DISC1: variants seen among roughly 807,000 people sequenced by gnomAD.
The protein encoded by DISC1 is DISC1 scaffold protein.
DISC1 carries 57 observed loss-of-function variants against 84.5 expected under a neutral mutation model. That is an observed-to-expected ratio of 0.67 (90% CI 0.55 to 0.84). The LOEUF is 0.84. Among genes scored for constraint, DISC1 ranks in the 40% least tolerant of loss-of-function variants. The pLI is 0.00. For missense variants in DISC1, 1,000 were observed against 1,057.8 expected (o/e 0.95, Z 0.76); for synonymous variants, 411 against 415.2 (o/e 0.99, Z 0.12).
At chr1:232,025,807 AG>A (rs1302831325) in intron 11 of DISC1, among the ~76,000 whole-genome samples, 20 of 152,100 alleles carry the variant, frequency 1.3e-4, no homozygotes, top group Non-Finnish European at 2.1e-4. Flanking sequence ...CGTGTTAGCC[AG>A]GATGGTCTTG....
intron 10 of DISC1, among the ~76,000 whole-genome samples, chr1:232,006,514 G>T (rs1217854187): frequency 4.6e-5 from 7 of 152,122 alleles, no homozygotes; most frequent in Admixed American, 6.5e-5. Context: ...TGAGAGAGGT[G>T]ATTTAGGGTA....
chr1:231,780,947 G>A (rs1479868181), intron 6 of DISC1, among the ~76,000 whole-genome samples: 1 of 118,548 alleles, frequency 8.4e-6, no homozygotes, highest in African/African-American at 3.2e-5. Flanking sequence ...ACTCATAGGT[G>A]GGAATTGAAC....
At chr1:231,957,450 C>A (rs1202189399) in intron 9 of DISC1, among the ~76,000 whole-genome samples, 2 of 152,086 alleles carry the variant, frequency 1.3e-5, no homozygotes, top group African/African-American at 4.8e-5. Flanking sequence ...TCTTTAGCAT[C>A]CCTTGCTGCC....
At chr1:231,775,883 T>A (rs2076928172) in intron 6 of DISC1, among the ~76,000 whole-genome samples, 1 of 151,802 alleles carries the variant, frequency 6.6e-6, no homozygotes, top group Non-Finnish European at 1.5e-5. Context: ...TACCCCCTGC[T>A]GACTGCATTC....
intron 1 of DISC1, among the ~76,000 whole-genome samples, chr1:231,639,342 A>C (rs201502518): frequency 6.6e-6 from 1 of 152,126 alleles, no homozygotes; most frequent in Non-Finnish European, 1.5e-5. Context: ...GATTTAGGGG[A>C]CTGATGAAGC....
intron 9 of DISC1, among the ~76,000 whole-genome samples, chr1:231,956,422 C>T (rs755335338): frequency 2.6e-5 from 4 of 152,054 alleles, no homozygotes; most frequent in Non-Finnish European, 4.4e-5. Context: ...TCTACTTTTC[C>T]TCCTCCACAT....
At chr1:231,866,658 T>C (rs2085084601) in intron 9 of DISC1, 1 of 1,539,422 alleles carries the variant, frequency 6.5e-7, no homozygotes, top group Admixed American at 2.0e-5. Context: ...TACTATTAAT[T>C]GAAAGGGCAT....
At chr1:231,711,086 A>G (rs1038640564) in intron 3 of DISC1, among the ~76,000 whole-genome samples, 1 of 152,122 alleles carries the variant, frequency 6.6e-6, no homozygotes, top group African/African-American at 2.4e-5. Flanking sequence ...AAGTGAACTT[A>G]GCTGTTTTTC....
intron 3 of DISC1, among the ~76,000 whole-genome samples, chr1:231,747,178 C>G (rs566081873): frequency 2.0e-5 from 3 of 152,080 alleles, no homozygotes; most frequent in African/African-American, 7.2e-5. Flanking sequence ...TGATCCTCCT[C>G]GTTTAGCCTC....
chr1:231,916,297 A>G (rs2126067219), intron 9 of DISC1, among the ~76,000 whole-genome samples: 1 of 152,314 alleles, frequency 6.6e-6, no homozygotes, highest in Non-Finnish European at 1.5e-5. Flanking sequence ...GACCTACAGA[A>G]GCACATTGCA....
intron 9 of DISC1, among the ~76,000 whole-genome samples, chr1:231,861,383 T>C (rs984590044): frequency 1.3e-5 from 2 of 151,632 alleles, no homozygotes; most frequent in South Asian, 2.1e-4. Context: ...TCCCCCACCT[T>C]GGCCTCCCAA....
intron 1 of DISC1, among the ~76,000 whole-genome samples, chr1:231,671,483 A>G (rs954336450): frequency 6.6e-5 from 10 of 152,104 alleles, no homozygotes; most frequent in Non-Finnish European, 1.3e-4. Flanking sequence ...AGGTTATCAT[A>G]AAAAAATTAA....
At position 232,009,064 on chromosome 1, in the gene DISC1, C is replaced by A. The variant is rs762694827; in HGVS notation, c.2307+15C>A. On this transcript the variant is annotated intron_variant, in intron 11 of 12. Transcript: ENST00000439617. This position sits in a 1 kb window ranked among gnomAD's most constrained non-coding sequence, Gnocchi z 4.6. ...AACAGAAAGAGGTCTGTCCTTTTCA[C>A]ATGGCCTCCAGAGGGGACCCTTATT... The A allele has an allele frequency of 6.2e-7, 1 of 1,613,722 alleles. No individual in the cohort carries two copies.
Position 231,826,228 on chromosome 1 carries a change from G to A in DISC1, c.1981+7711G>A, listed in dbSNP as rs2081854711. 6.6e-6 allele frequency among the ~76,000 whole-genome samples: 1 copy of A among 152,178 alleles called. No homozygotes were observed. Among genetic ancestry groups the A allele is most frequent in the Non-Finnish European group, 1.5e-5 (1 of 68,044 alleles). ...TGTCACAGAGCCTTCAGGGGGCAAG[G>A]CCACCATCTGAATCCCTCTTACCTG... On this transcript the variant is annotated intron_variant, in intron 9 of 12. Coordinates refer to ENST00000439617, the MANE Select transcript of DISC1 (RefSeq NM_018662.3). This position sits in a 1 kb window ranked among gnomAD's most constrained non-coding sequence, Gnocchi z 4.2.
intron 4 of DISC1, among the ~76,000 whole-genome samples, chr1:231,759,882 G>T (rs1386933414): frequency 1.3e-5 from 2 of 151,964 alleles, no homozygotes; most frequent in African/African-American, 2.4e-5. Flanking sequence ...GACAAGGGGG[G>T]AAACTAAGTT....
chr1:231,706,295 A>G (rs549577222), intron 3 of DISC1, among the ~76,000 whole-genome samples: 4 of 152,336 alleles, frequency 2.6e-5, no homozygotes, highest in South Asian at 2.1e-4. Flanking sequence ...TTGAGACCTC[A>G]GAGTCCTGCA....
chr1:232,031,232 AGAAAG>A lies in DISC1; in HGVS notation c.2425+4681_2425+4685del, dbSNP rs1217026985. 6.7e-6 allele frequency among the ~76,000 whole-genome samples: 1 copy of A among 148,674 alleles called. No individual in the cohort carries two copies. Among genetic ancestry groups the A allele is most frequent in the East Asian group, 2.0e-4 (1 of 5,052 alleles). ...AAGGAAGGAAGGGAGAAAGAGAGAG[AGAAAG>A]AGAGGAAGGAAGGAAGGAGAAAGAA... On this transcript the variant is annotated intron_variant, in intron 12 of 12. Transcript: ENST00000439617. This position sits in a 1 kb window ranked among gnomAD's most constrained non-coding sequence, Gnocchi z 4.6.
chr1:231,751,368 A>G (rs2074585277), intron 4 of DISC1, among the ~76,000 whole-genome samples: 1 of 152,192 alleles, frequency 6.6e-6, no homozygotes, highest in Admixed American at 6.5e-5. Flanking sequence ...TATTTAACAA[A>G]CACTTTCATA....
At chr1:231,952,019 G>T (rs1434359738) in intron 9 of DISC1, among the ~76,000 whole-genome samples, 2 of 146,262 alleles carry the variant, frequency 1.4e-5, no homozygotes, top group Non-Finnish European at 3.0e-5. Flanking sequence ...GGAGTTCAAG[G>T]CTGTAGTGAG....
Sources: allele counts gnomAD v4.1 joint callset (sites outside exome capture counted in the v4.1 genomes callset), GRCh38; gene constraint gnomAD v4.1.1; non-coding constraint Gnocchi (gnomAD v3.1); transcripts MANE v1.5; gene names NCBI Gene and HGNC (gene_info 2026-07-23, HGNC 2026-07-21).